The following MYO3B variants were observed in gnomAD, a reference collection of about 807,000 sequenced individuals.
MYO3B encodes the protein myosin-IIIb.
A neutral mutation model predicts 174.6 loss-of-function variants in MYO3B; 156 were observed. The observed-to-expected ratio is 0.89, with a 90% confidence interval of 0.78 to 1.02. The LOEUF is 1.02. Among genes scored for constraint, MYO3B ranks in the 50% least tolerant of loss-of-function variants. MYO3B has a pLI of 0.00. For synonymous variants in MYO3B, 563 were observed against 569.1 expected, an observed-to-expected ratio of 0.99 and a Z score of 0.15; for missense variants, 1,632 against 1,639.4, an observed-to-expected ratio of 1.00 and a Z score of 0.08.
intron 18 of MYO3B, among the ~76,000 whole-genome samples, chr2:170,402,209 A>G (rs1237074157): frequency 2.0e-5 from 3 of 152,228 alleles, no homozygotes; most frequent in East Asian, 3.8e-4. Flanking sequence ...TAGGATGTGA[A>G]TAACTAACTC....
chr2:170,598,050 C>A (rs2106336809), intron 32 of MYO3B, among the ~76,000 whole-genome samples: 1 of 152,302 alleles, frequency 6.6e-6, no homozygotes, highest in Admixed American at 6.5e-5. Context: ...TCATATGGGT[C>A]TTTTGGCAAC....
At chr2:170,382,262 T>G (rs2094341324) in intron 10 of MYO3B, 150 bp downstream of exon 10, 3 of 596,678 alleles carry the variant, frequency 5.0e-6, no homozygotes, top group South Asian at 2.2e-5. Context: ...AGCATTCAGT[T>G]GCTGTGACTA....
At chr2:170,374,612 T>G (rs1370776099) in intron 9 of MYO3B, among the ~76,000 whole-genome samples, 2 of 152,124 alleles carry the variant, frequency 1.3e-5, no homozygotes, top group Non-Finnish European at 2.9e-5. Flanking sequence ...GAGCAGAAGC[T>G]GTACTGTGCT....
chr2:170,627,822 C>A (rs1015552227), intron 32 of MYO3B, among the ~76,000 whole-genome samples: 28 of 152,320 alleles, frequency 1.8e-4, no homozygotes, highest in Admixed American at 7.8e-4. Context: ...CCACTCCAGA[C>A]CCTGTTTGCC....
chr2:170,462,544 G>T (rs1001529627), intron 23 of MYO3B, among the ~76,000 whole-genome samples: 1 of 152,262 alleles, frequency 6.6e-6, no homozygotes, highest in Admixed American at 6.5e-5. Context: ...TGGCTGCCTG[G>T]ACGGCAGTCC....
Position 170,214,836 on chromosome 2 carries a change from CT to C in MYO3B, c.526+9del. Reference sequence around the variant, plus strand: ...TTAAGCTCGTTGACTTTGGTAATGACTGCTTGTCGTTTGTTTTCTTGACGTG... The same window carrying C: ...TTAAGCTCGTTGACTTTGGTAATGACGCTTGTCGTTTGTTTTCTTGACGTG... On this transcript the variant is annotated intron_variant, in intron 5 of 34. Transcript: ENST00000408978. The C allele has an allele frequency of 6.2e-7, 1 of 1,605,102 alleles. No individual in the cohort carries two copies. Among genetic ancestry groups the C allele is most frequent in the Non-Finnish European group, 8.5e-7 (1 of 1,171,888 alleles).
At chr2:170,413,139 T>A (rs1201046516) in intron 22 of MYO3B, among the ~76,000 whole-genome samples, 1 of 152,166 alleles carries the variant, frequency 6.6e-6, no homozygotes, top group Non-Finnish European at 1.5e-5. Flanking sequence ...ATATAACAAC[T>A]ATATCCATAC....
intron 30 of MYO3B, among the ~76,000 whole-genome samples, chr2:170,526,052 T>G (rs1055187498): frequency 6.6e-6 from 1 of 152,140 alleles, no homozygotes. Context: ...TCTGATCAAG[T>G]GCTTAAGATG....
intron 8 of MYO3B, among the ~76,000 whole-genome samples, chr2:170,346,815 C>T (rs1240953470): frequency 6.6e-6 from 1 of 152,160 alleles, no homozygotes; most frequent in Non-Finnish European, 1.5e-5. Flanking sequence ...CATCTTGCAT[C>T]CCAGCACTGA....
At chr2:170,586,753 G>A (rs1418502725) in intron 32 of MYO3B, among the ~76,000 whole-genome samples, 1 of 152,242 alleles carries the variant, frequency 6.6e-6, no homozygotes, top group African/African-American at 2.4e-5. Context: ...AGATACTGCT[G>A]TGTACTCATA....
intron 23 of MYO3B, among the ~76,000 whole-genome samples, chr2:170,456,588 T>G (rs1015538685): frequency 6.6e-6 from 1 of 152,228 alleles, no homozygotes; most frequent in African/African-American, 2.4e-5. Context: ...CTATTTTTCT[T>G]ACCAATAAAT....
intron 22 of MYO3B, among the ~76,000 whole-genome samples, chr2:170,432,731 C>A (rs186996545): frequency 6.6e-6 from 1 of 152,046 alleles, no homozygotes; most frequent in Non-Finnish European, 1.5e-5. Context: ...CGCCTGCCAC[C>A]ATGCCCGGCT....
At position 170,292,776 on chromosome 2, in the gene MYO3B, CT is replaced by C. The variant is rs2093604506; in HGVS notation, c.750-42608del. 1.3e-5 allele frequency among the ~76,000 whole-genome samples: 2 copies of C among 152,126 alleles called. 1 individual carries two copies. Among genetic ancestry groups the C allele is most frequent in the East Asian group, 3.9e-4 (2 of 5,194 alleles). ...GAATTGTACCTTCTACAATGTGATG[CT>C]GCTGAACAGCCACTCTGATTTGGCA... On this transcript the variant is annotated intron_variant, in intron 7 of 34. Coordinates refer to ENST00000408978, the MANE Select transcript of MYO3B (RefSeq NM_138995.5).
At chr2:170,281,750 CA>C (rs1032408278) in intron 7 of MYO3B, among the ~76,000 whole-genome samples, 8 of 151,730 alleles carry the variant, frequency 5.3e-5, no homozygotes, top group Admixed American at 6.6e-5. Context: ...TTGAGACACA[CA>C]AAAAAAGCAT....
At chr2:170,252,380 T>C (rs982843788) in intron 7 of MYO3B, among the ~76,000 whole-genome samples, 1 of 152,126 alleles carries the variant, frequency 6.6e-6, no homozygotes, top group African/African-American at 2.4e-5. Context: ...TGACCTTAGG[T>C]GAAAAATGTT....
intron 32 of MYO3B, among the ~76,000 whole-genome samples, chr2:170,582,429 C>A (rs931720268): frequency 1.3e-5 from 2 of 152,008 alleles, no homozygotes; most frequent in Non-Finnish European, 2.9e-5. Context: ...CTCTTCAGTT[C>A]TGGTATCATT....
At chr2:170,590,744 C>T (rs1693770584) in intron 32 of MYO3B, among the ~76,000 whole-genome samples, 1 of 152,010 alleles carries the variant, frequency 6.6e-6, no homozygotes, top group African/African-American at 2.4e-5. Context: ...GCAGAGAAAC[C>T]CAAAAGGGGA....
At chr2:170,389,815 A>C (rs2094399623) in intron 14 of MYO3B, among the ~76,000 whole-genome samples, 1 of 152,068 alleles carries the variant, frequency 6.6e-6, no homozygotes, top group African/African-American at 2.4e-5. Flanking sequence ...CATTCAGTCT[A>C]TTAGGATGTT....
Position 170,515,000 on chromosome 2 carries a change from C to T in MYO3B, c.3450C>T (p.Cys1150=). The T allele has an allele frequency of 2.5e-6, 4 of 1,613,934 alleles. No individual in the cohort carries two copies. Among genetic ancestry groups the T allele is most frequent in the Non-Finnish European group, 3.4e-6 (4 of 1,179,888 alleles). Residue 1150 remains cysteine (C), a synonymous_variant, in exon 29 of 35, where the codon TGC becomes TGT. Coordinates refer to ENST00000408978, the MANE Select transcript of MYO3B (RefSeq NM_138995.5). ...GTRGSAEVQD[C]SEPGDHKVLR... ...GGGGAAGTGCCGAGGTTCAAGACTG[C>T]AGCGAGCCTGGTGACCATAAAGGTA...
Sources: allele counts gnomAD v4.1 joint callset (sites outside exome capture counted in the v4.1 genomes callset), GRCh38; gene constraint gnomAD v4.1.1; transcripts MANE v1.5; gene names NCBI Gene and HGNC (gene_info 2026-07-23, HGNC 2026-07-21).